MAP4K4: variants seen among roughly 807,000 people sequenced by gnomAD.
MAP4K4 encodes mitogen-activated protein kinase kinase kinase kinase 4.
MAP4K4 carries 38 observed loss-of-function variants against 189.6 expected under a neutral mutation model. The ratio of observed to expected loss-of-function variants is 0.20; its 90% CI spans 0.15 to 0.26. The LOEUF (loss-of-function observed/expected upper bound fraction) is 0.26, where lower values mean the gene tolerates loss of function less well. MAP4K4 is among the 10% of genes least tolerant of loss of function. The probability of loss-of-function intolerance (pLI) is 1.00; values close to 1 mark genes in which losing one functional copy is unlikely to be tolerated. For synonymous variants in MAP4K4, 610 were observed against 624.3 expected (o/e 0.98, Z 0.34); for missense variants, 1,054 against 1,726.9 (o/e 0.61, Z 6.91).
At chr2:101,830,522 C>T (rs2096564991) in intron 6 of MAP4K4, among the ~76,000 whole-genome samples, 2 of 152,194 alleles carry the variant, frequency 1.3e-5, no homozygotes, top group African/African-American at 4.8e-5. Flanking sequence ...TGGGTCTGGT[C>T]AACCTTTCTT....
At chr2:101,801,322 T>C (rs2094350314) in intron 3 of MAP4K4, among the ~76,000 whole-genome samples, 1 of 152,140 alleles carries the variant, frequency 6.6e-6, no homozygotes, top group Non-Finnish European at 1.5e-5. Flanking sequence ...CCAGAGCAAA[T>C]TCAGCAAGAG....
At chr2:101,803,926 T>C (rs1366054932) in intron 3 of MAP4K4, among the ~76,000 whole-genome samples, 7 of 152,206 alleles carry the variant, frequency 4.6e-5, no homozygotes, top group Non-Finnish European at 2.9e-5. Flanking sequence ...GTGGGTTTGA[T>C]CTAAAATGGG....
At chr2:101,786,472 C>T (rs948135770) in intron 2 of MAP4K4, among the ~76,000 whole-genome samples, 5 of 152,036 alleles carry the variant, frequency 3.3e-5, no homozygotes, top group African/African-American at 1.2e-4. Context: ...GAAGGTTGCT[C>T]TATCAAAGGG....
chr2:101,800,306 C>T lies in MAP4K4; in HGVS notation c.180+9530C>T, dbSNP rs184650554. ...AGAGACCAGGTCTCCCTGTGTTTCC[C>T]AGGTTGGTCTCAAAGTCCTGGGCTC... On this transcript the variant is annotated intron_variant, in intron 3 of 32. Transcript: ENST00000324219. 2.9e-4 allele frequency among the ~76,000 whole-genome samples: 44 copies of T among 152,176 alleles called. No homozygotes were observed. In the East Asian group the frequency reaches 6.0e-3, roughly 21 times the overall value.
chr2:101,725,407 C>CA (rs201929026), intron 2 of MAP4K4, among the ~76,000 whole-genome samples: 41 of 141,010 alleles, frequency 2.9e-4, no homozygotes, highest in South Asian at 2.1e-3. Flanking sequence ...AAAACAAAAA[C>CA]AAAAAAAAAC....
chr2:101,751,042 G>T (rs1397251997), intron 2 of MAP4K4, among the ~76,000 whole-genome samples: 6 of 152,084 alleles, frequency 3.9e-5, no homozygotes, highest in Non-Finnish European at 7.4e-5. Context: ...ACTGGGAAGG[G>T]ACGTAACCTT....
chr2:101,873,246 A>G (rs958197088), intron 24 of MAP4K4, among the ~76,000 whole-genome samples: 1 of 152,248 alleles, frequency 6.6e-6, no homozygotes, highest in Non-Finnish European at 1.5e-5. Context: ...AGCATAGATT[A>G]TTTGGACTCT....
intron 2 of MAP4K4, among the ~76,000 whole-genome samples, chr2:101,731,761 A>G (rs1276991511): frequency 6.6e-6 from 1 of 151,742 alleles, no homozygotes; most frequent in Non-Finnish European, 1.5e-5. Flanking sequence ...AAAAGGAAAA[A>G]AAAAAAAAGA....
chr2:101,853,891 A>T (rs1299658809), intron 12 of MAP4K4, among the ~76,000 whole-genome samples: 1 of 152,170 alleles, frequency 6.6e-6, no homozygotes, highest in East Asian at 1.9e-4. Flanking sequence ...CTAGAAGATG[A>T]CATAGCACTG....
chr2:101,855,125 G>T, intron 12 of MAP4K4, among the ~76,000 whole-genome samples: 1 of 152,188 alleles, frequency 6.6e-6, no homozygotes, highest in South Asian at 2.1e-4. Flanking sequence ...ATCTTGCTCT[G>T]TTCTGTAGGG....
At chr2:101,782,706 G>A (rs2088313919) in intron 2 of MAP4K4, among the ~76,000 whole-genome samples, 1 of 152,140 alleles carries the variant, frequency 6.6e-6, no homozygotes, top group Non-Finnish European at 1.5e-5. Context: ...GGATGATCTA[G>A]TACCAACCAG....
At chr2:101,791,409 A>G (rs368484787) in intron 3 of MAP4K4, among the ~76,000 whole-genome samples, 19 of 152,288 alleles carry the variant, frequency 1.2e-4, no homozygotes, top group South Asian at 4.1e-4. Flanking sequence ...CATGTAATAT[A>G]TGCACGAGCC....
chr2:101,884,165 A>G (rs1029212077), intron 28 of MAP4K4, among the ~76,000 whole-genome samples: 1 of 152,186 alleles, frequency 6.6e-6, no homozygotes, highest in African/African-American at 2.4e-5. Flanking sequence ...GGGTAATATC[A>G]TTCATTCGTT....
chr2:101,890,480 G>A (rs1204358066), intron 32 of MAP4K4, among the ~76,000 whole-genome samples: 2 of 152,064 alleles, frequency 1.3e-5, no homozygotes, highest in African/African-American at 4.8e-5. Context: ...TTTTGGTGAC[G>A]GAGTCTTGCT....
At chr2:101,759,138 AAAAG>A (rs1336382167) in intron 2 of MAP4K4, among the ~76,000 whole-genome samples, 2 of 46,198 alleles carry the variant, frequency 4.3e-5, no homozygotes, top group Non-Finnish European at 7.2e-5. Context: ...ATCTCAAAAA[AAAAG>A]AAAAAAAAAA....
intron 3 of MAP4K4, among the ~76,000 whole-genome samples, chr2:101,809,339 T>C (rs969468198): frequency 6.9e-6 from 1 of 144,610 alleles, no homozygotes; most frequent in Non-Finnish European, 1.5e-5. Context: ...GAACAAGCAC[T>C]TTTTATTCTT....
intron 23 of MAP4K4, 83 bp downstream of exon 23, chr2:101,870,498 T>C: frequency 6.5e-7 from 1 of 1,547,516 alleles, no homozygotes; most frequent in Non-Finnish European, 8.8e-7. Context: ...CTCATGCTGT[T>C]TCTCCATCAT....
At chr2:101,849,382 G>C (rs2097208074) in intron 12 of MAP4K4, among the ~76,000 whole-genome samples, 1 of 152,126 alleles carries the variant, frequency 6.6e-6, no homozygotes, top group African/African-American at 2.4e-5. Flanking sequence ...ACCCGCCTCA[G>C]CCTCCCAAAG....
intron 3 of MAP4K4, among the ~76,000 whole-genome samples, chr2:101,808,997 G>A (rs1666666882): frequency 6.6e-6 from 1 of 152,130 alleles, no homozygotes; most frequent in Non-Finnish European, 1.5e-5. Flanking sequence ...CTCAAGGAAA[G>A]CCCCCAGTCA....
Sources: allele counts gnomAD v4.1 joint callset (sites outside exome capture counted in the v4.1 genomes callset), GRCh38; gene constraint gnomAD v4.1.1; transcripts MANE v1.5; gene names NCBI Gene and HGNC (gene_info 2026-07-23, HGNC 2026-07-21).